The following CNTNAP2 variants were observed in gnomAD, a reference collection of about 807,000 sequenced individuals.
CNTNAP2 encodes the protein contactin-associated protein-like 2.
In CNTNAP2, 98 loss-of-function variants were observed where a neutral mutation model predicts 155.2. The observed-to-expected ratio is 0.63, with a 90% CI of 0.54 to 0.75. The LOEUF (loss-of-function observed/expected upper bound fraction) is 0.75. Among genes scored for constraint, CNTNAP2 ranks in the 30% least tolerant of loss-of-function variants. The pLI, the probability that CNTNAP2 is intolerant of heterozygous loss-of-function variation, is 0.00. For missense variants in CNTNAP2, 1,727 were observed against 1,688.1 expected (o/e 1.02, Z -0.40); for synonymous variants, 651 against 631.2 (o/e 1.03, Z -0.47).
chr7:146,814,174 T>A (rs1803120391), intron 2 of CNTNAP2, among the ~76,000 whole-genome samples: 1 of 152,094 alleles, frequency 6.6e-6, no homozygotes, highest in Middle Eastern at 3.2e-3. Flanking sequence ...AAGTCAGCTG[T>A]ACTGAGTTTG....
chr7:146,307,769 CT>C (rs1400459530), intron 1 of CNTNAP2, among the ~76,000 whole-genome samples: 5 of 152,128 alleles, frequency 3.3e-5, no homozygotes, highest in Non-Finnish European at 4.4e-5. Context: ...GGAAAACTCG[CT>C]AGCCATATGT....
At chr7:146,741,517 C>A (rs1801716065) in intron 1 of CNTNAP2, among the ~76,000 whole-genome samples, 1 of 152,028 alleles carries the variant, frequency 6.6e-6, no homozygotes, top group Non-Finnish European at 1.5e-5. Flanking sequence ...TGGCAATAAG[C>A]TTGACAAAGA....
At chr7:148,360,332 T>C (rs943113030) in intron 21 of CNTNAP2, among the ~76,000 whole-genome samples, 4 of 152,104 alleles carry the variant, frequency 2.6e-5, no homozygotes, top group South Asian at 2.1e-4. Flanking sequence ...AATTGAGTGG[T>C]GAAGAGAACA....
intron 21 of CNTNAP2, among the ~76,000 whole-genome samples, chr7:148,365,764 A>G (rs34080310): frequency 0.95 from 53,326 of 56,172 alleles, 25,658 homozygotes; most frequent in East Asian, 0.98. Flanking sequence ...GTATGTGTAT[A>G]CGTGTATACA....
chr7:146,807,327 A>G (rs1585099606), intron 2 of CNTNAP2, among the ~76,000 whole-genome samples: 1 of 152,094 alleles, frequency 6.6e-6, no homozygotes, highest in Non-Finnish European at 1.5e-5. Context: ...ACATATTTTA[A>G]TAATATATTT....
intron 11 of CNTNAP2, among the ~76,000 whole-genome samples, chr7:147,543,109 C>T (rs1484342168): frequency 1.3e-5 from 2 of 152,072 alleles, no homozygotes; most frequent in African/African-American, 4.8e-5. Flanking sequence ...GGGATTTACC[C>T]ACATATTTAT....
chr7:147,033,143 G>C (rs936932899), intron 3 of CNTNAP2, among the ~76,000 whole-genome samples: 1 of 107,892 alleles, frequency 9.3e-6, no homozygotes, highest in African/African-American at 3.7e-5. Context: ...AGAGGATATT[G>C]CTGCATATAT....
intron 12 of CNTNAP2, among the ~76,000 whole-genome samples, chr7:147,638,103 A>T (rs1033506701): frequency 6.6e-6 from 1 of 152,204 alleles, no homozygotes; most frequent in Non-Finnish European, 1.5e-5. Context: ...AATATATTTG[A>T]TATGCCTCAA....
chr7:147,966,187 G>GA (rs1214812829), intron 14 of CNTNAP2, among the ~76,000 whole-genome samples: 1 of 151,688 alleles, frequency 6.6e-6, no homozygotes. Flanking sequence ...GCATCAAGAA[G>GA]AAAAAAAGCA....
intron 16 of CNTNAP2, among the ~76,000 whole-genome samples, chr7:148,147,178 T>C (rs1372828516): frequency 6.6e-6 from 1 of 152,188 alleles, no homozygotes; most frequent in Non-Finnish European, 1.5e-5. Flanking sequence ...ACACTCAACA[T>C]GCGCTAACTT....
At chr7:147,156,394 T>C (rs1292195876) in intron 8 of CNTNAP2, among the ~76,000 whole-genome samples, 1 of 152,210 alleles carries the variant, frequency 6.6e-6, no homozygotes, top group Non-Finnish European at 1.5e-5. Flanking sequence ...TGCTTTGTTC[T>C]CATTCTGACA....
At chr7:146,372,892 G>C (rs201367260) in intron 1 of CNTNAP2, among the ~76,000 whole-genome samples, 1 of 152,254 alleles carries the variant, frequency 6.6e-6, no homozygotes, top group Non-Finnish European at 1.5e-5. Flanking sequence ...TAGAACTTTG[G>C]GTTCTCACCA....
intron 10 of CNTNAP2, among the ~76,000 whole-genome samples, chr7:147,455,352 CAATTTAATAAGGGGT>C (rs1797902279): frequency 6.6e-6 from 1 of 151,788 alleles, no homozygotes; most frequent in African/African-American, 2.4e-5. Flanking sequence ...ATTATAACTC[CAATTTAATAAGGGGT>C]AAACAAAGAC....
intron 8 of CNTNAP2, among the ~76,000 whole-genome samples, chr7:147,147,419 C>A (rs1325341163): frequency 6.6e-6 from 1 of 152,112 alleles, no homozygotes; most frequent in Non-Finnish European, 1.5e-5. Flanking sequence ...TGTACATCAA[C>A]TACTTACACA....
chr7:147,662,986 GGTTT>G (rs148012963), intron 13 of CNTNAP2, among the ~76,000 whole-genome samples: 252 of 152,050 alleles, frequency 1.7e-3, no homozygotes, highest in African/African-American at 4.4e-3. Context: ...GGATGTTTCT[GGTTT>G]GTTTGTTTGT....
intron 1 of CNTNAP2, among the ~76,000 whole-genome samples, chr7:146,562,049 C>T (rs1475713499): frequency 6.6e-6 from 1 of 152,106 alleles, no homozygotes; most frequent in Non-Finnish European, 1.5e-5. Flanking sequence ...CTTGGCCTCC[C>T]AAACTGCTGG....
At chr7:146,268,600 C>G (rs1206093058) in intron 1 of CNTNAP2, among the ~76,000 whole-genome samples, 3 of 152,098 alleles carry the variant, frequency 2.0e-5, no homozygotes, top group African/African-American at 7.2e-5. Context: ...TTTTCCATCT[C>G]CACCACCAAA....
intron 1 of CNTNAP2, among the ~76,000 whole-genome samples, chr7:146,593,109 C>T (rs1233826543): frequency 1.3e-5 from 2 of 151,886 alleles, no homozygotes; most frequent in Non-Finnish European, 2.9e-5. Flanking sequence ...CTTCATCTTT[C>T]TCTGTCCCTT....
chr7:147,312,250 T>A (rs1326130770), intron 9 of CNTNAP2, among the ~76,000 whole-genome samples: 1 of 151,942 alleles, frequency 6.6e-6, no homozygotes, highest in Non-Finnish European at 1.5e-5. Context: ...CTGGGAATTT[T>A]ATTTTATTTT....
Sources: allele counts gnomAD v4.1 joint callset (sites outside exome capture counted in the v4.1 genomes callset), GRCh38; gene constraint gnomAD v4.1.1; transcripts MANE v1.5; gene names NCBI Gene and HGNC (gene_info 2026-07-23, HGNC 2026-07-21).